PCDHGA1: variants seen among roughly 807,000 people sequenced by gnomAD.
PCDHGA1 encodes protocadherin gamma subfamily A, 1.
Under a neutral mutation model 58.0 loss-of-function variants are expected in PCDHGA1, and 32 were observed. The observed-to-expected ratio is 0.55, with a 90% CI of 0.42 to 0.74. The LOEUF (loss-of-function observed/expected upper bound fraction) is 0.74. PCDHGA1 is among the 30% of genes least tolerant of loss of function. PCDHGA1 has a pLI of 0.00. For synonymous variants in PCDHGA1, 498 were observed against 501.1 expected (o/e 0.99, Z 0.08); for missense variants, 1,205 against 1,182.3 (o/e 1.02, Z -0.28).
chr5:141,371,762 C>G (rs755631698), intron 1 of PCDHGA1: 1 of 1,614,030 alleles, frequency 6.2e-7, no homozygotes, highest in South Asian at 1.1e-5. Context: ...ACCAGGCCTC[C>G]TACACCGTGC....
rs144796076 is a variant in PCDHGA1, at chr5:141,394,245, G to A, written c.2421+61140G>A. ...CTCCATCTTTTCCTTGACTGCACACGACCCCGACAGCCAGGAGAATGCCCA... is the reference window on the plus strand; with the variant it reads ...CTCCATCTTTTCCTTGACTGCACACAACCCCGACAGCCAGGAGAATGCCCA... On this transcript the variant is annotated intron_variant, in intron 1 of 3. Transcript: ENST00000517417. The A allele has an allele frequency of 2.5e-3, 4,038 of 1,613,812 alleles. 13 individuals carry two copies. The highest frequency in any genetic ancestry group is 6.1e-3 in the Middle Eastern group (37 of 6,062).
chr5:141,390,290 C>T (rs1344237469), intron 1 of PCDHGA1: 1 of 1,613,806 alleles, frequency 6.2e-7, no homozygotes, highest in Admixed American at 1.7e-5. Flanking sequence ...AGGTGAGTTT[C>T]CTTTAAGTAT....
intron 1 of PCDHGA1, among the ~76,000 whole-genome samples, chr5:141,483,294 T>G (rs1392406131): frequency 2.0e-5 from 3 of 152,100 alleles, no homozygotes; most frequent in Non-Finnish European, 4.4e-5. Flanking sequence ...CAGTCATAAG[T>G]GAAGGGACTG....
chr5:141,376,088 C>T lies in PCDHGA1; in HGVS notation c.2421+42983C>T, dbSNP rs527893060. 5.1e-5 allele frequency: 83 copies of T among 1,613,666 alleles called. No homozygotes were observed. The highest frequency in any genetic ancestry group is 2.0e-4 in the East Asian group (9 of 44,878). On this transcript the variant is annotated intron_variant, in intron 1 of 3. Coordinates refer to ENST00000517417, the MANE Select transcript of PCDHGA1 (RefSeq NM_018912.3). Reference sequence around the variant, plus strand: ...CACCGTGGCCGTGGCCGACAGGATCCCCGACATCCTGGCCGACCTGGGCAG... The same window carrying T: ...CACCGTGGCCGTGGCCGACAGGATCTCCGACATCCTGGCCGACCTGGGCAG...
At position 141,477,498 on chromosome 5, in the gene PCDHGA1, C is replaced by T. The variant is rs754212608; in HGVS notation, c.2422-17309C>T. ...AACCCTCCACAATCTTCTCAATCTT[C>T]CTACGACGTTTACATTGAAGAAAAC... On this transcript the variant is annotated intron_variant, in intron 1 of 3. Coordinates refer to ENST00000517417, the MANE Select transcript of PCDHGA1 (RefSeq NM_018912.3). The surrounding 1 kb of genome is among the most constrained non-coding windows in gnomAD (Gnocchi z 4.9). 3.7e-6 allele frequency: 6 copies of T among 1,614,038 alleles called. No individual in the cohort carries two copies. The highest frequency in any genetic ancestry group is 5.1e-6 in the Non-Finnish European group (6 of 1,180,038).
intron 1 of PCDHGA1, chr5:141,419,742 T>C (rs1388509503): frequency 2.5e-5 from 41 of 1,613,742 alleles, no homozygotes; most frequent in Non-Finnish European, 3.5e-5. Context: ...GAGGTGCGCA[T>C]GGTGCGTGCT....
At chr5:141,474,892 A>G (rs1419975508) in intron 1 of PCDHGA1, among the ~76,000 whole-genome samples, 1 of 152,208 alleles carries the variant, frequency 6.6e-6, no homozygotes, top group Non-Finnish European at 1.5e-5. Context: ...TTAGAGGTTC[A>G]TTTCTTGTTC....
chr5:141,338,842 C>G (rs1476602900), intron 1 of PCDHGA1: 1 of 1,396,648 alleles, frequency 7.2e-7, no homozygotes, highest in Admixed American at 3.2e-5. Flanking sequence ...TTCAGTCGAA[C>G]AGCCCACCAG....
intron 1 of PCDHGA1, chr5:141,342,712 C>T (rs1478938077): frequency 6.6e-6 from 1 of 152,094 alleles, no homozygotes; most frequent in Non-Finnish European, 1.5e-5. Flanking sequence ...TGTGTAGTAA[C>T]TCCACAAGAA....
intron 1 of PCDHGA1, chr5:141,412,049 T>C (rs2095532088): frequency 1.3e-5 from 2 of 152,256 alleles, no homozygotes; most frequent in Admixed American, 1.3e-4. Flanking sequence ...AGTGAACTTC[T>C]ATACCCTTTG....
intron 1 of PCDHGA1, chr5:141,357,642 A>T: frequency 1.9e-6 from 3 of 1,611,524 alleles, no homozygotes; most frequent in Non-Finnish European, 2.5e-6. Context: ...CTTATAATAG[A>T]TCATACCACA....
intron 1 of PCDHGA1, chr5:141,340,299 C>T (rs141105367): frequency 1.2e-6 from 2 of 1,614,152 alleles, no homozygotes; most frequent in Non-Finnish European, 8.5e-7. Context: ...CTCCAGGTGG[C>T]AGACATCAAC....
chr5:141,374,310 C>T, intron 1 of PCDHGA1: 3 of 1,614,006 alleles, frequency 1.9e-6, no homozygotes, highest in Non-Finnish European at 1.7e-6. Flanking sequence ...CAGCTTTTCT[C>T]TCTGAATCCG....
chr5:141,415,194 C>T (rs1252476580), intron 1 of PCDHGA1: 2 of 1,614,064 alleles, frequency 1.2e-6, no homozygotes, highest in Non-Finnish European at 1.7e-6. Context: ...ACAGCATCCC[C>T]CAAGTCCTGG....
intron 1 of PCDHGA1, chr5:141,393,572 G>C (rs1399932416): frequency 6.2e-7 from 1 of 1,613,908 alleles, no homozygotes; most frequent in South Asian, 1.1e-5. Context: ...AAGTCCTTGA[G>C]AACATGCCCC....
intron 1 of PCDHGA1, chr5:141,385,214 A>C: frequency 6.2e-7 from 1 of 1,614,200 alleles, no homozygotes; most frequent in Non-Finnish European, 8.5e-7. Flanking sequence ...ATCTTCCCCC[A>C]GCCCAACTAT....
intron 1 of PCDHGA1, chr5:141,388,958 C>T (rs767426744): frequency 7.4e-6 from 12 of 1,613,930 alleles, no homozygotes; most frequent in East Asian, 2.2e-5. Context: ...TGGAGGACGC[C>T]GAGCTGGGAA....
rs779065098 is a variant in PCDHGA1 at position 141,491,758 on chromosome 5, C to T, written c.2422-3049C>T. 1.8e-5 allele frequency: 29 copies of T among 1,578,670 alleles called. No homozygotes were observed. Among genetic ancestry groups the T allele is most frequent in the Non-Finnish European group, 2.2e-5 (26 of 1,163,530 alleles). ...TGGGGGCGGCACTGGAGAAGCCGCC[C>T]GTCCTCATAAGGGATTGAACTTGCA... On this transcript the variant is annotated intron_variant, in intron 1 of 3. Transcript: ENST00000517417. The surrounding 1 kb of genome is among the most constrained non-coding windows in gnomAD (Gnocchi z 6.9).
intron 1 of PCDHGA1, chr5:141,375,467 C>A: frequency 6.2e-7 from 1 of 1,614,008 alleles, no homozygotes; most frequent in Non-Finnish European, 8.5e-7. Flanking sequence ...AGTCTATGTC[C>A]TTGAAAACAA....
Sources: gnomAD v4.1 joint callset for allele counts (sites outside exome capture counted in the v4.1 genomes callset) on GRCh38, gnomAD v4.1.1 for gene constraint, Gnocchi (gnomAD v3.1) non-coding constraint, MANE v1.5 for transcripts, NCBI Gene and HGNC (gene_info 2026-07-23, HGNC 2026-07-21) for gene names.